The following KHDC4 variants were observed in gnomAD, a reference collection of about 807,000 sequenced individuals.
KHDC4 encodes KH domain containing 4, pre-mRNA splicing factor.
KHDC4 carries 19 observed loss-of-function variants against 74.5 expected under a neutral mutation model. The observed-to-expected ratio is 0.26, with a 90% CI of 0.18 to 0.37. The LOEUF (loss-of-function observed/expected upper bound fraction) is 0.37. Ranked by LOEUF, KHDC4 falls within the 10% of genes least tolerant of loss-of-function variation. The pLI, the probability that KHDC4 is intolerant of heterozygous loss-of-function variation, is 1.00. For missense variants in KHDC4, 632 were observed against 754.1 expected, an observed-to-expected ratio of 0.84 and a Z score of 1.90; for synonymous variants, 253 against 266.1, an observed-to-expected ratio of 0.95 and a Z score of 0.48.
In KHDC4 at chr1:155,913,274, G is replaced by A; in HGVS notation, c.*847C>T. 1 of 152,782 alleles carries A rather than the reference G, an allele frequency of 6.5e-6. No individual in the cohort carries two copies. The highest frequency in any genetic ancestry group is 1.9e-4 in the East Asian group (1 of 5,322). 9.5% of individuals were successfully genotyped at this position (152,782 alleles called of 1,614,324 possible). On this transcript the variant is annotated 3_prime_UTR_variant, in exon 14 of 14. Coordinates refer to ENST00000368321, the MANE Select transcript of KHDC4 (RefSeq NM_014949.4). ...GCAAAATCTGTAATGCCAAGAAAAA[G>A]GACAATTTGCAATTTCAGTCATTAA...
chr1:155,919,441 C>T (rs115180737), intron 10 of KHDC4, among the ~76,000 whole-genome samples: 2,065 of 152,062 alleles, frequency 0.014, 39 homozygotes, highest in African/African-American at 0.048. Context: ...TTTGGAAGTC[C>T]GAGGCTGCGG....
At chr1:155,922,066 A>AT (rs34107786) in intron 8 of KHDC4, 148 bp from the exon 9 acceptor site, 114,049 of 373,068 alleles carry the variant, frequency 0.31, 8,066 homozygotes, top group East Asian at 0.53. Context: ...TTTAACCCAC[A>AT]TTTTTTTTTT....
At chr1:155,924,794 G>A (rs987748844) in intron 7 of KHDC4, among the ~76,000 whole-genome samples, 12 of 151,154 alleles carry the variant, frequency 7.9e-5, no homozygotes, top group Non-Finnish European at 1.2e-4. Context: ...GGGTAGTCTC[G>A]AACTCCTGAC....
chr1:155,934,173 G>A (rs991251196), intron 1 of KHDC4, among the ~76,000 whole-genome samples, 163 bp downstream of exon 1: 3 of 151,996 alleles, frequency 2.0e-5, no homozygotes, highest in South Asian at 2.1e-4. Context: ...ATCCCCGCCG[G>A]CCCTTTAAGG....
At chr1:155,917,747 T>C (rs569333024) in intron 10 of KHDC4, 75 bp from the exon 11 acceptor site, 3 of 1,189,398 alleles carry the variant, frequency 2.5e-6, no homozygotes, top group South Asian at 1.6e-5. Context: ...GATTACAATA[T>C]ACTTTAAGGA....
intron 13 of KHDC4, chr1:155,915,622 C>T: frequency 2.3e-6 from 1 of 426,748 alleles, no homozygotes; most frequent in Non-Finnish European, 4.1e-6. Flanking sequence ...ATTCTCCTGC[C>T]TCAACCCCCT....
intron 12 of KHDC4, 126 bp from the exon 13 acceptor site, chr1:155,916,090 C>T (rs983236316): frequency 1.5e-6 from 1 of 658,238 alleles, no homozygotes; most frequent in African/African-American, 1.9e-5. Context: ...TAATTTCAAC[C>T]CCTTCCACCT....
rs914443114 is a variant in KHDC4 at position 155,913,393 on chromosome 1, G to GTT, written c.*726_*727dup. On this transcript the variant is annotated 3_prime_UTR_variant, in exon 14 of 14. Transcript: ENST00000368321. ...CCACTGTATTTCATTTCTGTGATGA[G>GTT]TTCTGACCAGTTTTAGTCAAGAAGT... The GTT allele has an allele frequency of 9.8e-5, 15 of 152,386 alleles. No individual in the cohort carries two copies. The highest frequency in any genetic ancestry group is 3.6e-4 in the African/African-American group (15 of 41,458). The allele number at this position is 152,386 out of a possible 1,614,324, so 9.4% of individuals were successfully genotyped here. A position where few individuals can be genotyped will look rare whatever the true frequency, so the allele number is the denominator to read the frequency against.
intron 10 of KHDC4, among the ~76,000 whole-genome samples, chr1:155,918,629 G>A (rs1673785154): frequency 6.6e-6 from 1 of 151,728 alleles, no homozygotes; most frequent in South Asian, 2.1e-4. Context: ...GCATGTTACT[G>A]TACTGAATGC....
At chr1:155,923,129 C>T (rs951876451) in intron 8 of KHDC4, among the ~76,000 whole-genome samples, 4 of 150,364 alleles carry the variant, frequency 2.7e-5, no homozygotes, top group Non-Finnish European at 4.4e-5. Flanking sequence ...GGCGTGAACC[C>T]GGGAGGCGGA....
chr1:155,929,127 A>G (rs1674089456), intron 4 of KHDC4, among the ~76,000 whole-genome samples, 169 bp downstream of exon 4: 1 of 152,184 alleles, frequency 6.6e-6, no homozygotes, highest in African/African-American at 2.4e-5. Context: ...AACAGGTCCC[A>G]ACATCTTGTA....
chr1:155,922,313 T>G (rs1185844461), intron 8 of KHDC4, among the ~76,000 whole-genome samples: 1 of 151,954 alleles, frequency 6.6e-6, no homozygotes, highest in Non-Finnish European at 1.5e-5. Context: ...ACCCAGCTAG[T>G]TTTTGTATTT....
At chr1:155,925,415 C>T (rs540292612) in intron 7 of KHDC4, among the ~76,000 whole-genome samples, 24 of 152,244 alleles carry the variant, frequency 1.6e-4, no homozygotes, top group African/African-American at 5.5e-4. Context: ...TGGTCCTACG[C>T]CTTGGCCTCC....
intron 10 of KHDC4, chr1:155,920,055 G>C (rs943249386): frequency 1.2e-5 from 6 of 492,804 alleles, no homozygotes; most frequent in African/African-American, 1.2e-4. Context: ...CTCTCATTAA[G>C]TCTCTCCCCT....
At chr1:155,930,537 A>G (rs1674118989) in intron 2 of KHDC4, among the ~76,000 whole-genome samples, 1 of 152,194 alleles carries the variant, frequency 6.6e-6, no homozygotes, top group Non-Finnish European at 1.5e-5. Context: ...TAGCTCAGTT[A>G]GTTGGCTGTA....
rs963607979 is a variant in KHDC4, at chr1:155,921,533, G to A, written c.1108C>T (p.Pro370Ser). The A allele has an allele frequency of 1.2e-6, 2 of 1,614,030 alleles. No homozygotes were observed. The highest frequency in any genetic ancestry group is 1.3e-5 in the African/African-American group (1 of 74,916). Residue 370 changes from proline (P) to serine (S), a missense_variant, in exon 10 of 14, where the codon CCT (proline) becomes TCT (serine). Around this residue, in one of 4 missense-constraint regions of KHDC4, gnomAD observed 254 missense variants for 267.4 expected, o/e 0.95. Transcript: ENST00000368321. ...YQSGYPVVPP[P>S]QQPVQPPYGV... ...TAGGGAGGTTGAACTGGCTGCTGAG[G>A]AGGGGGAACAACAGGGTAACCAGAC...
chr1:155,929,946 T>A, intron 2 of KHDC4, 106 bp from the exon 3 acceptor site: 1 of 702,730 alleles, frequency 1.4e-6, no homozygotes, highest in Non-Finnish European at 1.9e-6. Context: ...TGAGATGGAG[T>A]CTGTCGCCCA....
At chr1:155,919,845 A>G (rs891342038) in intron 10 of KHDC4, 1 of 201,910 alleles carries the variant, frequency 5.0e-6, no homozygotes, top group Non-Finnish European at 1.0e-5. Context: ...AAATAAATAA[A>G]TAAAATAAAA....
intron 12 of KHDC4, among the ~76,000 whole-genome samples, 182 bp from the exon 13 acceptor site, chr1:155,916,146 T>C (rs1348975758): frequency 3.3e-5 from 5 of 152,164 alleles, no homozygotes; most frequent in African/African-American, 4.8e-5. Flanking sequence ...TACACAGCAA[T>C]TGCCATGACA....
Sources: gnomAD v4.1 joint callset for allele counts (sites outside exome capture counted in the v4.1 genomes callset) on GRCh38, gnomAD v4.1.1 for gene constraint, gnomAD v4.1.1 regional missense constraint, MANE v1.5 for transcripts, NCBI Gene and HGNC (gene_info 2026-07-23, HGNC 2026-07-21) for gene names.